The following MEGF6 variants were observed in gnomAD, a reference collection of about 807,000 sequenced individuals.
MEGF6 encodes the protein multiple EGF like domains 6.
MEGF6 carries 184 observed loss-of-function variants against 207.1 expected under a neutral mutation model. That is an observed-to-expected ratio of 0.89 (90% CI 0.79 to 1.00). The LOEUF is 1.00. MEGF6 is among the 50% of genes least tolerant of loss of function. The pLI is 0.00. For missense variants in MEGF6, 2,282 were observed against 2,202.9 expected, an observed-to-expected ratio of 1.04 and a Z score of -0.72; for synonymous variants, 1,038 against 910.0, an observed-to-expected ratio of 1.14 and a Z score of -2.53.
rs772985936 is a variant in MEGF6, at chr1:3,505,186, G to A, written c.2188+22C>T. 66 of 1,608,282 alleles carry A rather than the reference G, an allele frequency of 4.1e-5. No homozygotes were observed. In the East Asian group the frequency reaches 1.4e-3, roughly 34 times the overall value. On this transcript the variant is annotated intron_variant, in intron 17 of 36. Coordinates refer to ENST00000356575, the MANE Select transcript of MEGF6 (RefSeq NM_001409.4). ...ACACCCCACAATGAGACTGCCGGGA[G>A]CCCCAGGGGCCGGCCACTCACCTTG... is the stretch of plus-strand genomic sequence containing the variant.
intron 4 of MEGF6, among the ~76,000 whole-genome samples, chr1:3,544,266 C>G (rs1345682669): frequency 6.6e-6 from 1 of 150,806 alleles, no homozygotes; most frequent in Non-Finnish European, 1.5e-5. Context: ...GGCTAACCCT[C>G]TCCCCTCAGC....
chr1:3,523,975 A>G, intron 5 of MEGF6, 149 bp downstream of exon 5: 1 of 898,762 alleles, frequency 1.1e-6, no homozygotes, highest in African/African-American at 1.7e-5. Context: ...GATTCCATAG[A>G]GCCATGCTCC....
At chr1:3,521,433 C>A (rs1404883122) in intron 5 of MEGF6, among the ~76,000 whole-genome samples, 1 of 152,206 alleles carries the variant, frequency 6.6e-6, no homozygotes, top group Admixed American at 6.5e-5. Context: ...CCAGGCCGAG[C>A]TGCCGCAGGA....
In MEGF6 at chr1:3,505,481, TCA is replaced by T. The variant is rs749707483; in HGVS notation, c.1992_1993del (p.Cys664Ter). 2 of 1,608,878 alleles carry T rather than the reference TCA, an allele frequency of 1.2e-6. No individual in the cohort carries two copies. Among genetic ancestry groups the T allele is most frequent in the Non-Finnish European group, 1.7e-6 (2 of 1,178,840 alleles). ...GCAGGAGCAGCTGCCATCCCTCTTGTCACAGGACTGCGTGTGGGGCTGCACAC... is the reference window on the plus strand; with the variant it reads ...GCAGGAGCAGCTGCCATCCCTCTTGTCAGGACTGCGTGTGGGGCTGCACAC... On this transcript the variant is annotated stop_gained and frameshift_variant, in exon 16 of 37. Transcript: ENST00000356575. LOFTEE classifies it high-confidence loss of function.
At chr1:3,604,927 C>G (rs1644219880) in intron 1 of MEGF6, among the ~76,000 whole-genome samples, 1 of 152,036 alleles carries the variant, frequency 6.6e-6, no homozygotes, top group Admixed American at 6.5e-5. Context: ...CATTCCTGAC[C>G]CCCAGACTAC....
chr1:3,531,104 C>G, intron 4 of MEGF6: 1 of 1,527,488 alleles, frequency 6.5e-7, no homozygotes, highest in Middle Eastern at 2.2e-4. Context: ...CCGGCGCTCA[C>G]GGGGTAGCCG....
chr1:3,492,235 G>A (rs1297147263), intron 35 of MEGF6, among the ~76,000 whole-genome samples: 1 of 152,150 alleles, frequency 6.6e-6, no homozygotes, highest in Non-Finnish European at 1.5e-5. Flanking sequence ...TCACACCCTG[G>A]TGCACGTGTA....
Position 3,500,646 on chromosome 1 carries a change from C to CG in MEGF6, c.2693dup (p.Arg899AlafsTer16). On this transcript the variant is annotated frameshift_variant, in exon 21 of 37. Coordinates refer to ENST00000356575, the MANE Select transcript of MEGF6 (RefSeq NM_001409.4). LOFTEE classifies it high-confidence loss of function. ...GCCGGGACTCACGCTGCTCGCACCGCGGGCCCACGTAGCCAGCCTCACACA... is the reference window on the plus strand; with the variant it reads ...GCCGGGACTCACGCTGCTCGCACCGCGGGGCCCACGTAGCCAGCCTCACACA... 2 of 1,560,372 alleles carry CG rather than the reference C, an allele frequency of 1.3e-6. No individual in the cohort carries two copies. The highest frequency in any genetic ancestry group is 1.7e-6 in the Non-Finnish European group (2 of 1,152,566).
chr1:3,562,349 T>C (rs1643228529), intron 4 of MEGF6, among the ~76,000 whole-genome samples: 1 of 152,232 alleles, frequency 6.6e-6, no homozygotes, highest in African/African-American at 2.4e-5. Context: ...TCTGTCTCTT[T>C]GTCTGTCTCT....
intron 2 of MEGF6, among the ~76,000 whole-genome samples, chr1:3,602,080 T>C (rs549202080): frequency 6.6e-6 from 1 of 152,274 alleles, no homozygotes; most frequent in African/African-American, 2.4e-5. Flanking sequence ...TCTTGCGCAG[T>C]AAAAAGTTTC....
chr1:3,576,778 C>T (rs143574151), intron 4 of MEGF6, among the ~76,000 whole-genome samples: 2 of 150,462 alleles, frequency 1.3e-5, no homozygotes, highest in Non-Finnish European at 3.0e-5. Context: ...TCCACCCCTG[C>T]ACACCTGGCC....
chr1:3,501,767 G>A, intron 18 of MEGF6, 29 bp downstream of exon 18: 2 of 1,606,746 alleles, frequency 1.2e-6, no homozygotes, highest in Non-Finnish European at 1.7e-6. Context: ...GCCTGGGGAG[G>A]CGGAACTGGG....
At chr1:3,617,319 G>A in the MEGF6 span, among the ~76,000 whole-genome samples, 1 of 151,038 alleles carries the variant, frequency 6.6e-6, no homozygotes, top group Non-Finnish European at 1.5e-5. Flanking sequence ...GGGTTGAAGA[G>A]TGGCCTCCAA....
intron 18 of MEGF6, 92 bp from the exon 19 acceptor site, chr1:3,501,400 G>C: frequency 6.8e-7 from 1 of 1,464,138 alleles, no homozygotes. Context: ...AGCCACGGCC[G>C]AGGAGGTGGA....
intron 1 of MEGF6, among the ~76,000 whole-genome samples, chr1:3,606,201 C>T (rs965314570): frequency 2.0e-5 from 3 of 152,202 alleles, no homozygotes; most frequent in Non-Finnish European, 2.9e-5. Flanking sequence ...AAGTGGGGTC[C>T]CCCGGCCAGG....
chr1:3,502,124 C>CG (rs1553191420), intron 17 of MEGF6, among the ~76,000 whole-genome samples: 3 of 152,020 alleles, frequency 2.0e-5, no homozygotes, highest in African/African-American at 4.8e-5. Context: ...CTCTAGCCCC[C>CG]GGGGGTGGGG....
chr1:3,622,430 C>T, the MEGF6 span, among the ~76,000 whole-genome samples: 6 of 152,306 alleles, frequency 3.9e-5, no homozygotes, highest in African/African-American at 1.4e-4. Flanking sequence ...GTCAATGAAA[C>T]CTCTTTTCTT....
At chr1:3,606,097 C>T (rs1278055773) in intron 1 of MEGF6, among the ~76,000 whole-genome samples, 1 of 152,256 alleles carries the variant, frequency 6.6e-6, no homozygotes, top group Non-Finnish European at 1.5e-5. Flanking sequence ...TTTTAAAGAA[C>T]TAGCACATCT....
At chr1:3,501,668 G>C in intron 18 of MEGF6, 128 bp downstream of exon 18, 3 of 1,325,306 alleles carry the variant, frequency 2.3e-6, no homozygotes, top group Non-Finnish European at 3.0e-6. Context: ...GGAGTGCACT[G>C]TGAGCTCTCA....
Sources: allele counts gnomAD v4.1 joint callset (sites outside exome capture counted in the v4.1 genomes callset), GRCh38; gene constraint gnomAD v4.1.1; transcripts MANE v1.5; gene names NCBI Gene and HGNC (gene_info 2026-07-23, HGNC 2026-07-21).